CT45A10: variants seen among roughly 807,000 people sequenced by gnomAD.
CT45A10 encodes cancer/testis antigen family 45 member A10.
CT45A10 carries 19 observed loss-of-function variants against 8.3 expected under a neutral mutation model. The ratio of observed to expected loss-of-function variants is 2.30; its 90% CI spans 1.61 to 3.38. CT45A10 has a LOEUF of 3.38. Among genes scored for constraint, CT45A10 ranks in the 30% most tolerant of loss-of-function variants. The pLI, the probability that CT45A10 is intolerant of heterozygous loss-of-function variation, is 0.00. For missense variants in CT45A10, 149 were observed against 85.9 expected, an observed-to-expected ratio of 1.73 and a Z score of -2.90; for synonymous variants, 28 against 26.5, an observed-to-expected ratio of 1.06 and a Z score of -0.17.
chrX:135,883,158 T>G lies in CT45A10; in HGVS notation c.268A>C (p.Ser90Arg). The G allele has an allele frequency of 8.3e-7, 1 of 1,198,910 alleles. No homozygotes were observed. Among genetic ancestry groups the G allele is most frequent in the East Asian group, 3.0e-5 (1 of 33,658 alleles). ...SKDGMMQKPGSNAPVGGNVTS... is the reference protein window; with the variant it reads ...SKDGMMQKPGRNAPVGGNVTS... ...ACGTTTCCTCCCACAGGTGCATTGC[T>G]ACCAGGTTTCTGCATCATCCCATCT... The change falls in exon 3 of 5, where the codon AGC (serine) becomes CGC (arginine). Residue 90 changes from serine to arginine, a missense_variant. Transcript: ENST00000682849.
intron 1 of CT45A10, among the ~76,000 whole-genome samples, chrX:135,892,730 C>G (rs782778512): frequency 8.9e-5 from 10 of 112,076 alleles, no homozygotes; most frequent in Non-Finnish European, 1.5e-4. Context: ...GTAAGCGTCC[C>G]CATCAGGGAT....
intron 1 of CT45A10, among the ~76,000 whole-genome samples, chrX:135,887,638 AT>A (rs2088443304): frequency 5.6e-5 from 6 of 107,716 alleles, no homozygotes; most frequent in African/African-American, 2.0e-4. Flanking sequence ...AACACATAAA[AT>A]GGTGCTAAAA....
chrX:135,892,319 C>A (rs1001478751), intron 1 of CT45A10, among the ~76,000 whole-genome samples: 9 of 111,961 alleles, frequency 8.0e-5, no homozygotes, highest in African/African-American at 2.6e-4. Context: ...CACAAAATTG[C>A]AAGTGTAGAC....
chrX:135,882,988 G>C lies in CT45A10; in HGVS notation c.418+20C>G, dbSNP rs1485671537. 7 of 1,192,143 alleles carry C rather than the reference G, an allele frequency of 5.9e-6. No individual in the cohort carries two copies. Among genetic ancestry groups the C allele is most frequent in the Admixed American group, 2.2e-5 (1 of 45,124 alleles). On this transcript the variant is annotated intron_variant, in intron 3 of 4. Coordinates refer to ENST00000682849, the MANE Select transcript of CT45A10 (RefSeq NM_001291529.2). ...TGACTTCCTACAGTTTTATAAAACA[G>C]ACGTTCTTACACTACTTACTTCGTC...
chrX:135,892,714 C>T (rs782159853), intron 1 of CT45A10, among the ~76,000 whole-genome samples: 1 of 112,032 alleles, frequency 8.9e-6, no homozygotes, highest in South Asian at 3.8e-4. Flanking sequence ...CAAGAGAAAG[C>T]GTCTGGTAAG....
At position 135,883,324 on chromosome X, in the gene CT45A10, A is replaced by C. The variant is rs1367877577; in HGVS notation, c.170-68T>G. 15 of 1,189,052 alleles carry C rather than the reference A, an allele frequency of 1.3e-5. No individual in the cohort carries two copies. The Admixed American group carries it at 3.3e-4, about 26-fold the overall frequency. The stretch of plus-strand genomic sequence containing the variant: ...GACCACTTTCTTTCCCCTCCACATA[A>C]ACCTCATGAATGACAGATCTGGAAA... On this transcript the variant is annotated intron_variant, in intron 2 of 4. Transcript: ENST00000682849.
At chrX:135,892,300 A>G (rs2088513222) in intron 1 of CT45A10, among the ~76,000 whole-genome samples, 1 of 112,179 alleles carries the variant, frequency 8.9e-6, no homozygotes, top group South Asian at 3.7e-4. Flanking sequence ...GCTCAATCTC[A>G]TTAATTAGCA....
At chrX:135,892,307 A>G (rs1239683948) in intron 1 of CT45A10, among the ~76,000 whole-genome samples, 1 of 112,323 alleles carries the variant, frequency 8.9e-6, no homozygotes. Context: ...CTCATTAATT[A>G]GCACAAAATT....
chrX:135,889,552 T>G (rs1284710000), intron 1 of CT45A10, among the ~76,000 whole-genome samples: 2 of 111,015 alleles, frequency 1.8e-5, no homozygotes, highest in Non-Finnish European at 3.8e-5. Context: ...AGGGGGTTGT[T>G]TTTTAAAGTC....
intron 1 of CT45A10, among the ~76,000 whole-genome samples, chrX:135,891,223 A>T (rs1216553548): frequency 1.8e-5 from 2 of 110,907 alleles, no homozygotes; most frequent in Non-Finnish European, 3.8e-5. Flanking sequence ...AAAAAGCTCT[A>T]ACCATAAAGA....
intron 4 of CT45A10, among the ~76,000 whole-genome samples, chrX:135,882,016 G>A (rs1415923755): frequency 2.1e-5 from 1 of 47,144 alleles, no homozygotes; most frequent in East Asian, 9.1e-4. Context: ...TGATTAATAC[G>A]TAGAAGTATG....
rs1368941649 is a variant in CT45A10 at position 135,883,392 on chromosome X, C to T, written c.170-136G>A. On this transcript the variant is annotated intron_variant, in intron 2 of 4. Coordinates refer to ENST00000682849, the MANE Select transcript of CT45A10 (RefSeq NM_001291529.2). ...GCTGTGAGATACGTGTGTTTCATCACCCCTCTGGGTACATCTATGTGCTCC... is the reference window on the plus strand; with the variant it reads ...GCTGTGAGATACGTGTGTTTCATCATCCCTCTGGGTACATCTATGTGCTCC... 1.0e-5 allele frequency: 11 copies of T among 1,083,302 alleles called. No homozygotes were observed. In the Admixed American group the frequency reaches 2.3e-4, roughly 23 times the overall value. The allele number at this position is 1,083,302 out of a possible 1,213,427, so 89.3% of individuals were successfully genotyped here. A position where few individuals can be genotyped will look rare whatever the true frequency, so the allele number is the denominator to read the frequency against.
chrX:135,891,320 T>C lies in CT45A10; in HGVS notation c.-7+2025A>G, dbSNP rs182203532. On this transcript the variant is annotated intron_variant, in intron 1 of 4. Transcript: ENST00000682849. Reference sequence around the variant, plus strand: ...AGAGAGTGGAAAAGCAAAGCATATATGTAGATTACATATTATATAATGTAT... The same window carrying C: ...AGAGAGTGGAAAAGCAAAGCATATACGTAGATTACATATTATATAATGTAT... Among the ~76,000 whole-genome samples the C allele has an allele frequency of 6.5e-3, 707 of 108,798 alleles. 1 individual carries two copies. The highest frequency in any genetic ancestry group is 0.012 in the Non-Finnish European group (607 of 52,622). The allele number at this position is 108,798 out of a possible 115,157, so 94.5% of individuals were successfully genotyped here.
rs2088410406 is a variant in CT45A10 at position 135,883,327 on chromosome X, C to G, written c.170-71G>C. 3.4e-6 allele frequency: 4 copies of G among 1,189,414 alleles called. No individual in the cohort carries two copies. In the African/African-American group the frequency reaches 5.3e-5, roughly 16 times the overall value. ...CACTTTCTTTCCCCTCCACATAAACCTCATGAATGACAGATCTGGAAATCA... is the reference window on the plus strand; with the variant it reads ...CACTTTCTTTCCCCTCCACATAAACGTCATGAATGACAGATCTGGAAATCA... On this transcript the variant is annotated intron_variant, in intron 2 of 4. Transcript: ENST00000682849.
At chrX:135,890,070 C>A (rs1315838611) in intron 1 of CT45A10, among the ~76,000 whole-genome samples, 1 of 112,194 alleles carries the variant, frequency 8.9e-6, no homozygotes, top group Non-Finnish European at 1.9e-5. Context: ...TTCACGTGGA[C>A]CCCTTAAAGT....
intron 2 of CT45A10, 55 bp from the exon 3 acceptor site, chrX:135,883,311 T>C: frequency 8.4e-7 from 1 of 1,194,052 alleles, no homozygotes; most frequent in Non-Finnish European, 1.1e-6. Context: ...CCACTTTCTT[T>C]CCCCTCCACA....
At chrX:135,892,810 A>C (rs1215800931) in intron 1 of CT45A10, among the ~76,000 whole-genome samples, 2 of 111,866 alleles carry the variant, frequency 1.8e-5, no homozygotes, top group African/African-American at 6.5e-5. Flanking sequence ...AATGTGCCCC[A>C]CAGCCGAGAA....
Position 135,883,071 on chromosome X carries a change from G to C in CT45A10, c.355C>G (p.Gln119Glu), listed in dbSNP as rs1469850984. The change falls in exon 3 of 5, where the codon CAA becomes GAA. Residue 119 changes from glutamine (Q) to glutamate (E), a missense_variant. Coordinates refer to ENST00000682849, the MANE Select transcript of CT45A10 (RefSeq NM_001291529.2). The part of the protein sequence containing the change: ...CRGIASSPKS[Q>E]QEINADIKCQ... ...TTTATATCAGCATTAATTTCTTGTT[G>C]GCTTTTGGGAGAGGAGGCTATTCCT... 8.4e-6 allele frequency: 10 copies of C among 1,197,075 alleles called. No individual in the cohort carries two copies. In the African/African-American group the frequency reaches 1.8e-4, roughly 21 times the overall value.
intron 3 of CT45A10, among the ~76,000 whole-genome samples, 180 bp from the exon 4 acceptor site, chrX:135,882,809 C>G (rs1301587771): frequency 1.7e-3 from 172 of 100,928 alleles, no homozygotes; most frequent in African/African-American, 6.0e-3. Context: ...GAATGTAACT[C>G]CTTTAACCAT....
Sources: gnomAD v4.1 joint callset for allele counts (sites outside exome capture counted in the v4.1 genomes callset) on GRCh38, gnomAD v4.1.1 for gene constraint, MANE v1.5 for transcripts, NCBI Gene and HGNC (gene_info 2026-07-23, HGNC 2026-07-21) for gene names.